RCAN2: variants seen among roughly 807,000 people sequenced by gnomAD.
RCAN2 encodes the protein regulator of calcineurin 2.
Under a neutral mutation model 23.6 loss-of-function variants are expected in RCAN2, and 9 were observed. The ratio of observed to expected loss-of-function variants is 0.38; its 90% CI spans 0.23 to 0.67. RCAN2 has a LOEUF of 0.67. Ranked by LOEUF, RCAN2 falls within the 30% of genes least tolerant of loss-of-function variation. RCAN2 has a pLI of 0.51. For synonymous variants in RCAN2, 109 were observed against 115.7 expected, an observed-to-expected ratio of 0.94 and a Z score of 0.37; for missense variants, 273 against 302.3, an observed-to-expected ratio of 0.90 and a Z score of 0.72.
chr6:46,225,939 A>G (rs1333646573), intron 4 of RCAN2, among the ~76,000 whole-genome samples: 1 of 152,190 alleles, frequency 6.6e-6, no homozygotes, highest in Non-Finnish European at 1.5e-5. Flanking sequence ...TAAGTCTTTA[A>G]TCCATCTTGA....
At chr6:46,352,975 C>T (rs1764707863) in intron 2 of RCAN2, among the ~76,000 whole-genome samples, 1 of 152,144 alleles carries the variant, frequency 6.6e-6, no homozygotes, top group South Asian at 2.1e-4. Flanking sequence ...GTGAGGAGGA[C>T]ACCAGGCATA....
chr6:46,337,532 G>A (rs1050254372), intron 2 of RCAN2, among the ~76,000 whole-genome samples: 6 of 152,142 alleles, frequency 3.9e-5, no homozygotes, highest in Non-Finnish European at 7.4e-5. Context: ...AAAAGCAAAC[G>A]TACCATATTT....
chr6:46,222,778 ACG>A lies in RCAN2; in HGVS notation c.*361_*362del. 5.0e-6 allele frequency: 1 copy of A among 199,482 alleles called. No homozygotes were observed. Among genetic ancestry groups the A allele is most frequent in the South Asian group, 1.0e-4 (1 of 9,526 alleles). 12.4% of individuals were successfully genotyped at this position (199,482 alleles called of 1,614,324 possible). A position where few individuals can be genotyped will look rare whatever the true frequency, so the allele number is the denominator to read the frequency against. On this transcript the variant is annotated 3_prime_UTR_variant, in exon 5 of 5. Transcript: ENST00000371374. ...CTATTTAAGTGGCCAGGAGAGAACA[ACG>A]CACACACATCAGGACTGGGACTGAA...
At chr6:46,333,920 G>A (rs757769000) in intron 2 of RCAN2, among the ~76,000 whole-genome samples, 7 of 152,184 alleles carry the variant, frequency 4.6e-5, no homozygotes, top group Non-Finnish European at 1.0e-4. Flanking sequence ...CTTATTATGA[G>A]CAAGGTGTTA....
At chr6:46,367,021 G>GTATATATATA (rs1458476806) in intron 2 of RCAN2, among the ~76,000 whole-genome samples, 1 of 40,198 alleles carries the variant, frequency 2.5e-5, no homozygotes, top group Non-Finnish European at 5.5e-5. Flanking sequence ...TATCTGGGAT[G>GTATATATATA]GATATATATA....
intron 2 of RCAN2, among the ~76,000 whole-genome samples, chr6:46,375,566 C>T (rs1228576927): frequency 3.3e-5 from 5 of 152,184 alleles, no homozygotes; most frequent in South Asian, 2.1e-4. Context: ...TTTTTCTCTG[C>T]CCCACATACT....
chr6:46,375,903 G>C (rs1391952203), intron 2 of RCAN2, among the ~76,000 whole-genome samples: 1 of 151,940 alleles, frequency 6.6e-6, no homozygotes, highest in Non-Finnish European at 1.5e-5. Flanking sequence ...ACCAATCTTA[G>C]CTCCTAGACC....
intron 2 of RCAN2, among the ~76,000 whole-genome samples, chr6:46,427,425 C>A (rs909256496): frequency 9.9e-5 from 15 of 152,096 alleles, no homozygotes; most frequent in Middle Eastern, 3.2e-3. Context: ...AGTACCTTTC[C>A]CATTGCATAG....
chr6:46,368,265 A>C (rs1765226115), intron 2 of RCAN2, among the ~76,000 whole-genome samples: 1 of 152,190 alleles, frequency 6.6e-6, no homozygotes, highest in Non-Finnish European at 1.5e-5. Context: ...TTCAGTTTTA[A>C]AATGTTAGAA....
In RCAN2 at chr6:46,287,941, G is replaced by A. The variant is rs186686532; in HGVS notation, c.226-39045C>T. The stretch of plus-strand genomic sequence containing the variant: ...TTACTCATATGAAAGTGCTGTAAAC[G>A]ACAAAGAATAATACGACCCGAGGAT... On this transcript the variant is annotated intron_variant, in intron 2 of 4. Coordinates refer to ENST00000371374, the MANE Select transcript of RCAN2 (RefSeq NM_001251974.2). 3.9e-5 allele frequency among the ~76,000 whole-genome samples: 6 copies of A among 152,292 alleles called. No homozygotes were observed. The South Asian group carries it at 8.3e-4, about 21-fold the overall frequency.
chr6:46,455,530 C>T (rs1009225886), intron 2 of RCAN2, among the ~76,000 whole-genome samples: 1 of 151,864 alleles, frequency 6.6e-6, no homozygotes, highest in African/African-American at 2.4e-5. Flanking sequence ...TACTCTTATA[C>T]CTCACACAGA....
chr6:46,298,793 A>G (rs974611553), intron 2 of RCAN2, among the ~76,000 whole-genome samples: 5 of 152,102 alleles, frequency 3.3e-5, no homozygotes, highest in Non-Finnish European at 7.4e-5. Context: ...TTCTACCAAA[A>G]AGACTCATGC....
At position 46,426,669 on chromosome 6, in the gene RCAN2, G is replaced by A. The variant is rs192733452; in HGVS notation, c.225+30083C>T. Among the ~76,000 whole-genome samples the A allele has an allele frequency of 4.6e-4, 70 of 152,264 alleles. 1 individual carries two copies. In the East Asian group the frequency reaches 0.012, roughly 27 times the overall value. ...CAAAACAGATCTAGCATACAAGAAG[G>A]GGAAATAAAACATAAATTCATGGGT... On this transcript the variant is annotated intron_variant, in intron 2 of 4. Coordinates refer to ENST00000371374, the MANE Select transcript of RCAN2 (RefSeq NM_001251974.2).
rs1765461980 is a variant in RCAN2, at chr6:46,221,118, G to T, written c.*2023C>A. On this transcript the variant is annotated 3_prime_UTR_variant, in exon 5 of 5. Transcript: ENST00000371374. ...ATACACTTCATTGTGTTTCTTTTAT[G>T]ACTACACAGAATGGTCATTTCAACT... 1 of 152,290 alleles carries T rather than the reference G, an allele frequency of 6.6e-6. No homozygotes were observed. 9.4% of individuals were successfully genotyped at this position (152,290 alleles called of 1,614,324 possible).
At chr6:46,429,657 C>T (rs1417895748) in intron 2 of RCAN2, among the ~76,000 whole-genome samples, 2 of 152,030 alleles carry the variant, frequency 1.3e-5, no homozygotes, top group Non-Finnish European at 2.9e-5. Flanking sequence ...AGGCACTGTG[C>T]CAGGTGCTAG....
chr6:46,236,428 A>G (rs558681153), intron 4 of RCAN2, among the ~76,000 whole-genome samples: 1 of 145,212 alleles, frequency 6.9e-6, no homozygotes, highest in Admixed American at 6.8e-5. Context: ...TTTTAATGAG[A>G]TCTCTGATTT....
intron 2 of RCAN2, among the ~76,000 whole-genome samples, chr6:46,374,552 G>A (rs550201816): frequency 2.0e-5 from 3 of 152,234 alleles, no homozygotes; most frequent in South Asian, 2.1e-4. Flanking sequence ...TGATGGCAAC[G>A]CTTAACCATT....
At chr6:46,328,776 A>T (rs1763871915) in intron 2 of RCAN2, among the ~76,000 whole-genome samples, 1 of 152,104 alleles carries the variant, frequency 6.6e-6, no homozygotes, top group Non-Finnish European at 1.5e-5. Flanking sequence ...ACGCCCAGCT[A>T]ATTTTTGTAT....
intron 1 of RCAN2, among the ~76,000 whole-genome samples, chr6:46,477,888 T>C (rs1768758137): frequency 6.6e-6 from 1 of 152,152 alleles, no homozygotes; most frequent in Non-Finnish European, 1.5e-5. Context: ...TCTAAGTATA[T>C]GCAAATGTTT....
Sources: allele counts gnomAD v4.1 joint callset (sites outside exome capture counted in the v4.1 genomes callset), GRCh38; gene constraint gnomAD v4.1.1; transcripts MANE v1.5; gene names NCBI Gene and HGNC (gene_info 2026-07-23, HGNC 2026-07-21).